Variants in TIMD4 observed in about 807,000 individuals in gnomAD.
TIMD4 encodes the protein T cell immunoglobulin and mucin domain containing 4.
In TIMD4, 31 loss-of-function variants were observed where a neutral mutation model predicts 41.2. The observed-to-expected ratio is 0.75, with a 90% CI of 0.57 to 1.01. The LOEUF is 1.01. TIMD4 is among the 50% of genes least tolerant of loss of function. The probability of loss-of-function intolerance (pLI) is 0.00; values close to 1 mark genes in which losing one functional copy is unlikely to be tolerated. For missense variants in TIMD4, 479 were observed against 472.5 expected, an observed-to-expected ratio of 1.01 and a Z score of -0.13; for synonymous variants, 204 against 177.1, an observed-to-expected ratio of 1.15 and a Z score of -1.21.
chr5:156,952,947 A>G (rs1199340975), intron 2 of TIMD4, among the ~76,000 whole-genome samples: 1 of 152,172 alleles, frequency 6.6e-6, no homozygotes, highest in African/African-American at 2.4e-5. Flanking sequence ...TCAGACAGTA[A>G]AGATTGGTTC....
At chr5:156,953,057 T>C (rs1759893005) in intron 2 of TIMD4, among the ~76,000 whole-genome samples, 1 of 152,168 alleles carries the variant, frequency 6.6e-6, no homozygotes, top group Non-Finnish European at 1.5e-5. Flanking sequence ...AAATTTCCAT[T>C]GACTCTAATG....
intron 6 of TIMD4, chr5:156,924,477 G>A: frequency 2.1e-6 from 1 of 485,012 alleles, no homozygotes; most frequent in African/African-American, 2.0e-5. Context: ...TGGTTTTGCT[G>A]GCCTTGTTGG....
intron 4 of TIMD4, 45 bp from the exon 5 acceptor site, chr5:156,948,544 C>A: frequency 1.5e-6 from 2 of 1,361,838 alleles, no homozygotes; most frequent in Non-Finnish European, 2.0e-6. Flanking sequence ...TAGGTAAATG[C>A]TTGTCTTCCT....
intron 7 of TIMD4, 83 bp downstream of exon 7, chr5:156,922,016 G>GGGAA: frequency 1.9e-6 from 2 of 1,057,556 alleles, no homozygotes; most frequent in Non-Finnish European, 2.8e-6. Context: ...AGGGATAAAG[G>GGGAA]GGAAGGAAGT....
intron 5 of TIMD4, among the ~76,000 whole-genome samples, chr5:156,933,997 A>T (rs1377827744): frequency 6.6e-6 from 1 of 152,228 alleles, no homozygotes; most frequent in African/African-American, 2.4e-5. Context: ...CCTTTTCAAC[A>T]TGGCTATGCT....
intron 2 of TIMD4, among the ~76,000 whole-genome samples, chr5:156,954,030 T>C (rs56990826): frequency 0.04 from 6,067 of 152,310 alleles, 314 homozygotes; most frequent in African/African-American, 0.12. Context: ...AGGTGACCCC[T>C]GAATACATTT....
intron 7 of TIMD4, among the ~76,000 whole-genome samples, chr5:156,921,711 A>G (rs554473996): frequency 3.0e-4 from 45 of 151,956 alleles, no homozygotes; most frequent in African/African-American, 1.1e-3. Flanking sequence ...AAGAAGAGAC[A>G]AGCTAGGGTT....
In TIMD4 at chr5:156,940,547, A is replaced by G. The variant is rs369334416; in HGVS notation, c.844+7869T>C. 1.8e-4 allele frequency among the ~76,000 whole-genome samples: 24 copies of G among 132,464 alleles called. No homozygotes were observed. In the East Asian group the frequency reaches 3.2e-3, roughly 18 times the overall value. The allele number at this position is 132,464 out of a possible 152,430, so 86.9% of individuals were successfully genotyped here. Reference sequence around the variant, plus strand: ...CCTGGCCGCCCATCATCTGGGATGTAGGGAGTGCCTCTGCCCCGCCGCCCC... The same window carrying G: ...CCTGGCCGCCCATCATCTGGGATGTGGGGAGTGCCTCTGCCCCGCCGCCCC... On this transcript the variant is annotated intron_variant, in intron 5 of 8. Transcript: ENST00000274532.
intron 7 of TIMD4, among the ~76,000 whole-genome samples, chr5:156,920,876 C>A (rs1759224007): frequency 6.6e-6 from 1 of 152,150 alleles, no homozygotes; most frequent in African/African-American, 2.4e-5. Flanking sequence ...AGCAGGATTC[C>A]AGTAAATTTT....
intron 5 of TIMD4, among the ~76,000 whole-genome samples, chr5:156,940,436 G>A (rs1175472811): frequency 6.6e-6 from 1 of 151,808 alleles, no homozygotes; most frequent in East Asian, 1.9e-4. Context: ...GATGTGAGGA[G>A]CCCCTCTGCC....
chr5:156,934,804 T>G (rs1581616574), intron 5 of TIMD4, among the ~76,000 whole-genome samples: 1 of 152,132 alleles, frequency 6.6e-6, no homozygotes, highest in South Asian at 2.1e-4. Context: ...ATGAGTGAGC[T>G]TCGAGCCAGA....
chr5:156,936,947 A>G (rs972983972), intron 5 of TIMD4, among the ~76,000 whole-genome samples: 14 of 151,634 alleles, frequency 9.2e-5, no homozygotes, highest in Non-Finnish European at 1.9e-4. Flanking sequence ...AAAAAAAAAA[A>G]AAAAGGAAAT....
chr5:156,962,900 T>C (rs1753099188), intron 1 of TIMD4, among the ~76,000 whole-genome samples: 1 of 152,190 alleles, frequency 6.6e-6, no homozygotes, highest in South Asian at 2.1e-4. Context: ...CTTCAGTTGC[T>C]GTTTCCAATA....
intron 6 of TIMD4, among the ~76,000 whole-genome samples, chr5:156,925,264 T>C (rs1354055919): frequency 1.3e-5 from 2 of 152,184 alleles, no homozygotes; most frequent in Non-Finnish European, 2.9e-5. Context: ...GAGTCAAGAT[T>C]GCACCACTGC....
Position 156,926,281 on chromosome 5 carries a change from T to C in TIMD4, c.876A>G (p.Lys292=). The stretch of plus-strand genomic sequence containing the variant: ...TTTTTACCTGTCCTGTTTTTGTTGT[T>C]TTGTTCTGCTCAGGAACTGCTGTAT... ...ASDTAVPEQN[K]TTKTGQMDGI... The change falls in exon 6 of 9, where the codon AAA becomes AAG. Residue 292 remains lysine, a synonymous_variant. Coordinates refer to ENST00000274532, the MANE Select transcript of TIMD4 (RefSeq NM_138379.3). The C allele has an allele frequency of 1.2e-6, 2 of 1,613,608 alleles. No individual in the cohort carries two copies. The highest frequency in any genetic ancestry group is 4.5e-5 in the East Asian group (2 of 44,856).
intron 6 of TIMD4, chr5:156,924,500 T>A: frequency 2.2e-6 from 1 of 459,636 alleles, no homozygotes; most frequent in Non-Finnish European, 4.3e-6. Context: ...TTGTTTTGGC[T>A]AGAGGTTCAA....
intron 7 of TIMD4, among the ~76,000 whole-genome samples, chr5:156,921,238 T>A (rs1759231823): frequency 6.6e-6 from 1 of 152,118 alleles, no homozygotes; most frequent in South Asian, 2.1e-4. Context: ...TAAACACTTT[T>A]GCATGTGATT....
At chr5:156,920,404 C>G in intron 8 of TIMD4, 60 bp downstream of exon 8, 1 of 1,554,414 alleles carries the variant, frequency 6.4e-7, no homozygotes, top group Non-Finnish European at 8.9e-7. Context: ...TGAGTAGTAG[C>G]TAATCATTTG....
chr5:156,961,808 CAAAAAAAA>C (rs71578911), intron 1 of TIMD4, among the ~76,000 whole-genome samples: 5 of 27,962 alleles, frequency 1.8e-4, no homozygotes, highest in East Asian at 1.1e-3. Context: ...GACTCCGTCT[CAAAAAAAA>C]AAAAAAAAAA....
Sources: allele counts gnomAD v4.1 joint callset (sites outside exome capture counted in the v4.1 genomes callset), GRCh38; gene constraint gnomAD v4.1.1; transcripts MANE v1.5; gene names NCBI Gene and HGNC (gene_info 2026-07-23, HGNC 2026-07-21).